Variants in RBFOX1 observed in about 807,000 individuals in gnomAD.
RBFOX1 encodes RNA binding fox-1 homolog 1, also known as RNA binding protein fox-1 homolog 1.
A neutral mutation model predicts 57.7 loss-of-function variants in RBFOX1; 8 were observed. The observed-to-expected ratio is 0.14, with a 90% CI of 0.08 to 0.25. RBFOX1 has a LOEUF of 0.25. Among genes scored for constraint, RBFOX1 ranks in the 10% least tolerant of loss-of-function variants. The pLI, the probability that RBFOX1 is intolerant of heterozygous loss-of-function variation, is 1.00. For synonymous variants in RBFOX1, 326 were observed against 222.4 expected (o/e 1.47, Z -4.15); for missense variants, 611 against 548.5 (o/e 1.11, Z -1.14).
At chr16:6,085,394 T>G (rs60509697) in intron 1 of RBFOX1, among the ~76,000 whole-genome samples, 1 of 152,296 alleles carries the variant, frequency 6.6e-6, no homozygotes, top group East Asian at 1.9e-4. Context: ...TGCCTCAGCC[T>G]CCCGAGTAGC....
At chr16:5,542,655 TC>T (rs780247916) in intron 2 of RBFOX1, among the ~76,000 whole-genome samples, 199 of 152,244 alleles carry the variant, frequency 1.3e-3, no homozygotes, top group Middle Eastern at 0.01. Context: ...ACGCAACACT[TC>T]CATTGTTATT....
chr16:6,818,447 T>G (rs904716721), intron 3 of RBFOX1, among the ~76,000 whole-genome samples: 1 of 152,128 alleles, frequency 6.6e-6, no homozygotes, highest in East Asian at 1.9e-4. Flanking sequence ...AAAAAAAATA[T>G]TATTGAATGC....
chr16:6,111,328 T>C (rs540927226), intron 1 of RBFOX1, among the ~76,000 whole-genome samples: 55 of 152,294 alleles, frequency 3.6e-4, no homozygotes, highest in Non-Finnish European at 6.9e-4. Context: ...TCAGCTATCT[T>C]GTTAGAACTA....
chr16:7,521,182 G>A (rs1507013), intron 5 of RBFOX1, among the ~76,000 whole-genome samples: 141,219 of 152,074 alleles, frequency 0.93, 65,973 homozygotes, highest in Non-Finnish European at 0.99. Context: ...ACCACAGTCA[G>A]AGGTCTTAAA....
chr16:5,243,560 C>G (rs1332579506), intron 1 of RBFOX1, among the ~76,000 whole-genome samples: 6 of 152,202 alleles, frequency 3.9e-5, no homozygotes, highest in Non-Finnish European at 8.8e-5. Context: ...TCTCCATCCT[C>G]TAGGTGCCAT....
intron 1 of RBFOX1, among the ~76,000 whole-genome samples, chr16:5,287,177 T>C (rs1248670159): frequency 1.3e-5 from 2 of 152,062 alleles, no homozygotes; most frequent in African/African-American, 4.8e-5. Context: ...TGGTGGCTCA[T>C]GTCTGTAGTC....
intron 2 of RBFOX1, among the ~76,000 whole-genome samples, chr16:6,495,419 C>G (rs542209543): frequency 6.8e-6 from 1 of 147,958 alleles, no homozygotes; most frequent in African/African-American, 2.5e-5. Flanking sequence ...GCTTGAGCTT[C>G]CGCGCCTGGC....
chr16:5,404,702 G>C (rs1415903779), intron 1 of RBFOX1, among the ~76,000 whole-genome samples: 1 of 152,190 alleles, frequency 6.6e-6, no homozygotes, highest in Non-Finnish European at 1.5e-5. Flanking sequence ...GGAAACCCAT[G>C]CATGGCAGTT....
chr16:5,496,102 G>A (rs1181938026), intron 2 of RBFOX1, among the ~76,000 whole-genome samples: 1 of 152,084 alleles, frequency 6.6e-6, no homozygotes, highest in Non-Finnish European at 1.5e-5. Context: ...CTCCAGCCTG[G>A]GTGACAGTGC....
At chr16:6,829,442 T>G (rs2092515780) in intron 3 of RBFOX1, among the ~76,000 whole-genome samples, 1 of 150,688 alleles carries the variant, frequency 6.6e-6, no homozygotes, top group African/African-American at 2.4e-5. Context: ...CTTGGGTAAG[T>G]TTTGGGTCTG....
chr16:7,036,733 AG>A (rs778621632), intron 3 of RBFOX1, among the ~76,000 whole-genome samples: 16,271 of 85,258 alleles, frequency 0.19, 1,145 homozygotes, highest in Non-Finnish European at 0.32. Context: ...AAACAAACAA[AG>A]AAAAAAAAAA....
intron 1 of RBFOX1, among the ~76,000 whole-genome samples, chr16:6,221,374 A>G (rs925521601): frequency 2.0e-5 from 3 of 152,154 alleles, no homozygotes; most frequent in Non-Finnish European, 2.9e-5. Context: ...CTCTGGGTTC[A>G]TCTTCCTAAT....
In RBFOX1 at chr16:6,780,545, CATATATATTTACATATTT is replaced by C. The variant is rs1337217430; in HGVS notation, c.-16+125907_-16+125924del. ...TTATATATATTTATATATACATTTA[CATATATATTTACATATTT>C]ATATATATTTATATATATATTTATA... On this transcript the variant is annotated intron_variant, in intron 3 of 15. Coordinates refer to ENST00000550418, the MANE Select transcript of RBFOX1 (RefSeq NM_018723.4). Among the ~76,000 whole-genome samples the C allele has an allele frequency of 2.3e-3, 253 of 112,166 alleles. 2 individuals are homozygous for C. The highest frequency in any genetic ancestry group is 4.6e-3 in the African/African-American group (136 of 29,554). 73.6% of individuals were successfully genotyped at this position (112,166 alleles called of 152,430 possible). A position where few individuals can be genotyped will look rare whatever the true frequency, so the allele number is the denominator to read the frequency against.
chr16:6,021,413 C>T (rs1334239027), intron 1 of RBFOX1, among the ~76,000 whole-genome samples: 2 of 152,074 alleles, frequency 1.3e-5, no homozygotes, highest in Non-Finnish European at 2.9e-5. Context: ...ACAGAGGCCC[C>T]GGCTGGAGCT....
chr16:5,454,162 C>G (rs2068510880), intron 1 of RBFOX1, among the ~76,000 whole-genome samples: 1 of 152,196 alleles, frequency 6.6e-6, no homozygotes, highest in Admixed American at 6.5e-5. Flanking sequence ...AGGTGAAATG[C>G]AGTTTCTCAC....
intron 4 of RBFOX1, among the ~76,000 whole-genome samples, chr16:7,478,367 A>T (rs1238365602): frequency 6.6e-6 from 1 of 152,218 alleles, no homozygotes; most frequent in African/African-American, 2.4e-5. Flanking sequence ...AAGGGAAAAA[A>T]ATACATCTAA....
At chr16:5,295,086 A>G (rs371853525) in intron 1 of RBFOX1, among the ~76,000 whole-genome samples, 30 of 150,402 alleles carry the variant, frequency 2.0e-4, no homozygotes, top group African/African-American at 6.8e-4. Context: ...CAGTAAAACA[A>G]GAAAGCTCAC....
At chr16:7,641,848 C>G (rs1338793117) in intron 11 of RBFOX1, among the ~76,000 whole-genome samples, 2 of 152,190 alleles carry the variant, frequency 1.3e-5, no homozygotes, top group Non-Finnish European at 2.9e-5. Flanking sequence ...CCCATGAGCA[C>G]TAAATGAGAT....
intron 4 of RBFOX1, among the ~76,000 whole-genome samples, chr16:7,499,492 A>C (rs530089177): frequency 6.6e-6 from 1 of 152,344 alleles, no homozygotes; most frequent in South Asian, 2.1e-4. Context: ...CAATTCAACC[A>C]ATAACAGTAT....
Sources: allele counts gnomAD v4.1 joint callset (sites outside exome capture counted in the v4.1 genomes callset), GRCh38; gene constraint gnomAD v4.1.1; transcripts MANE v1.5; gene names NCBI Gene and HGNC (gene_info 2026-07-23, HGNC 2026-07-21).